The following GXYLT1 variants were observed in gnomAD, a reference collection of about 807,000 sequenced individuals.
The protein encoded by GXYLT1 is glucoside xylosyltransferase 1, also known as glycosyltransferase 8 domain containing 3.
A neutral mutation model predicts 54.0 loss-of-function variants in GXYLT1; 29 were observed. The ratio of observed to expected loss-of-function variants is 0.54; its 90% confidence interval spans 0.40 to 0.73. The LOEUF (loss-of-function observed/expected upper bound fraction) is 0.73, where lower values mean the gene tolerates loss of function less well. Among genes scored for constraint, GXYLT1 ranks in the 30% least tolerant of loss-of-function variants. The pLI is 0.00. For synonymous variants in GXYLT1, 176 were observed against 204.1 expected (o/e 0.86, Z 1.17); for missense variants, 490 against 553.4 (o/e 0.89, Z 1.15).
At chr12:42,111,914 A>G (rs10785327) in intron 3 of GXYLT1, among the ~76,000 whole-genome samples, 82,694 of 152,080 alleles carry the variant, frequency 0.54, 22,570 homozygotes, top group South Asian at 0.7. Flanking sequence ...CACCTCACAC[A>G]GCCAGGTACT....
At chr12:42,129,655 G>C (rs1424941368) in intron 2 of GXYLT1, 104 bp downstream of exon 2, 17 of 688,974 alleles carry the variant, frequency 2.5e-5, no homozygotes, top group Non-Finnish European at 3.9e-5. Context: ...TAAATTATTT[G>C]TATAATATCA....
chr12:42,094,793 AAC>A (rs1431491889), intron 7 of GXYLT1, among the ~76,000 whole-genome samples: 1 of 152,210 alleles, frequency 6.6e-6, no homozygotes, highest in Non-Finnish European at 1.5e-5. Context: ...TAATATTCCT[AAC>A]ATACAAAGAA....
At chr12:42,091,241 C>T (rs1299498580) in intron 7 of GXYLT1, among the ~76,000 whole-genome samples, 1 of 151,856 alleles carries the variant, frequency 6.6e-6, no homozygotes, top group African/African-American at 2.4e-5. Flanking sequence ...AGACCCAAAA[C>T]AAACACAGAA....
chr12:42,126,459 T>G (rs1319207429), intron 2 of GXYLT1, among the ~76,000 whole-genome samples: 1 of 152,146 alleles, frequency 6.6e-6, no homozygotes, highest in African/African-American at 2.4e-5. Context: ...TTTGATTTTG[T>G]TTTAAAGACA....
At chr12:42,103,278 T>A (rs2065400450) in intron 5 of GXYLT1, among the ~76,000 whole-genome samples, 1 of 152,172 alleles carries the variant, frequency 6.6e-6, no homozygotes, top group Non-Finnish European at 1.5e-5. Context: ...CTTTTTAATA[T>A]ACATAACTAT....
intron 5 of GXYLT1, among the ~76,000 whole-genome samples, chr12:42,101,183 AGAGGTAT>A (rs1481430758): frequency 1.3e-5 from 2 of 152,292 alleles, no homozygotes; most frequent in Non-Finnish European, 2.9e-5. Context: ...AGTTTAATAA[AGAGGTAT>A]TACATATAAA....
intron 2 of GXYLT1, among the ~76,000 whole-genome samples, chr12:42,122,957 C>CCAA: frequency 6.6e-6 from 1 of 152,230 alleles, no homozygotes; most frequent in South Asian, 2.1e-4. Context: ...ATATCCCATG[C>CCAA]AGTAATCCTG....
In GXYLT1 at chr12:42,087,718, A is replaced by G; in HGVS notation, c.*68T>C. The G allele has an allele frequency of 8.5e-7, 1 of 1,178,734 alleles. No homozygotes were observed. The highest frequency in any genetic ancestry group is 1.2e-6 in the Non-Finnish European group (1 of 842,298). The allele number at this position is 1,178,734 out of a possible 1,614,324, so 73.0% of individuals were successfully genotyped here. A position where few individuals can be genotyped will look rare whatever the true frequency, so the allele number is the denominator to read the frequency against. On this transcript the variant is annotated 3_prime_UTR_variant, in exon 8 of 8. Coordinates refer to ENST00000398675, the MANE Select transcript of GXYLT1 (RefSeq NM_173601.2). ...AATTCCTTCCTGAATACTTCATCCAAGACGATTCCTTCACACTTATCTTCT... is the reference window on the plus strand; with the variant it reads ...AATTCCTTCCTGAATACTTCATCCAGGACGATTCCTTCACACTTATCTTCT...
chr12:42,116,251 A>T (rs112445872), intron 3 of GXYLT1, among the ~76,000 whole-genome samples: 10,516 of 152,122 alleles, frequency 0.069, 1,089 homozygotes, highest in African/African-American at 0.22. Context: ...CACCAAAAGC[A>T]ATGGCAACAA....
chr12:42,094,356 A>C (rs980845530), intron 7 of GXYLT1, among the ~76,000 whole-genome samples: 2 of 150,946 alleles, frequency 1.3e-5, no homozygotes, highest in Admixed American at 1.3e-4. Context: ...TGCCTCAAAA[A>C]AAAAAAAAAA....
rs530803819 is a variant in GXYLT1 at position 42,138,762 on chromosome 12, G to A, written c.221+5664C>T. ...AAGATTTTCTAGGCAGGGTATGGTG[G>A]CTCATGCCTGCACTTTGGGAGGCCG... On this transcript the variant is annotated intron_variant, in intron 1 of 7. Coordinates refer to ENST00000398675, the MANE Select transcript of GXYLT1 (RefSeq NM_173601.2). 6.6e-5 allele frequency among the ~76,000 whole-genome samples: 10 copies of A among 152,146 alleles called. No individual in the cohort carries two copies. In the South Asian group the frequency reaches 1.9e-3, roughly 28 times the overall value.
chr12:42,104,018 G>A (rs1285891345), intron 5 of GXYLT1, among the ~76,000 whole-genome samples: 1 of 152,168 alleles, frequency 6.6e-6, no homozygotes, highest in East Asian at 1.9e-4. Flanking sequence ...GGGGTTTGAG[G>A]TGGGAGGATC....
At chr12:42,137,762 G>GAAAAAAAAAAAA (rs56387868) in intron 1 of GXYLT1, among the ~76,000 whole-genome samples, 5 of 107,170 alleles carry the variant, frequency 4.7e-5, no homozygotes, top group East Asian at 5.6e-4. Flanking sequence ...ATCTCAAATT[G>GAAAAAAAAAAAA]AAAAAAAAAA....
At chr12:42,092,177 A>G (rs1383090815) in intron 7 of GXYLT1, among the ~76,000 whole-genome samples, 1 of 152,244 alleles carries the variant, frequency 6.6e-6, no homozygotes, top group Non-Finnish European at 1.5e-5. Context: ...TACATAGACC[A>G]GAGGATTTCA....
intron 3 of GXYLT1, among the ~76,000 whole-genome samples, chr12:42,111,739 T>TA (rs1377914979): frequency 6.6e-6 from 1 of 152,200 alleles, no homozygotes; most frequent in Non-Finnish European, 1.5e-5. Context: ...AAGACAGCAG[T>TA]AACCTCTGCA....
At position 42,109,548 on chromosome 12, in the gene GXYLT1, C is replaced by G. The variant is rs749330672; in HGVS notation, c.612+18G>C. ...TAAAAAAAAAAAAAAAAAAAAGACACTAGGGGAAAAAACTTACCGGCAAGA... is the reference window on the plus strand; with the variant it reads ...TAAAAAAAAAAAAAAAAAAAAGACAGTAGGGGAAAAAACTTACCGGCAAGA... On this transcript the variant is annotated intron_variant, in intron 4 of 7. Transcript: ENST00000398675. 3.1e-6 allele frequency: 4 copies of G among 1,286,296 alleles called. No individual in the cohort carries two copies. The highest frequency in any genetic ancestry group is 3.4e-5 in the South Asian group (2 of 58,750). 79.7% of individuals were successfully genotyped at this position (1,286,296 alleles called of 1,614,324 possible). A position where few individuals can be genotyped will look rare whatever the true frequency, so the allele number is the denominator to read the frequency against.
At chr12:42,115,235 C>T (rs1480809116) in intron 3 of GXYLT1, among the ~76,000 whole-genome samples, 2 of 152,180 alleles carry the variant, frequency 1.3e-5, no homozygotes, top group African/African-American at 4.8e-5. Context: ...CAGGGATGCC[C>T]TCTCTCACCA....
intron 3 of GXYLT1, among the ~76,000 whole-genome samples, chr12:42,111,325 G>A (rs2065453889): frequency 6.6e-6 from 1 of 152,232 alleles, no homozygotes; most frequent in African/African-American, 2.4e-5. Flanking sequence ...CCGAACCGGG[G>A]CGAGGCATCG....
chr12:42,090,105 T>C (rs1395740439), intron 7 of GXYLT1, among the ~76,000 whole-genome samples: 1 of 37,264 alleles, frequency 2.7e-5, no homozygotes, highest in Non-Finnish European at 5.0e-5. Context: ...AATGTTTTCT[T>C]CTTCACTGGA....
Sources: allele counts gnomAD v4.1 joint callset (sites outside exome capture counted in the v4.1 genomes callset), GRCh38; gene constraint gnomAD v4.1.1; transcripts MANE v1.5; gene names NCBI Gene and HGNC (gene_info 2026-07-23, HGNC 2026-07-21).